The following TRPM3 variants were observed in gnomAD, a reference collection of about 807,000 sequenced individuals.
TRPM3 encodes long transient receptor potential channel 3.
A neutral mutation model predicts 181.2 loss-of-function variants in TRPM3; 77 were observed. That is an observed-to-expected ratio of 0.42 (90% CI 0.35 to 0.51). The LOEUF is 0.51. Ranked by LOEUF, TRPM3 falls within the 20% of genes least tolerant of loss-of-function variation. The pLI, the probability that TRPM3 is intolerant of heterozygous loss-of-function variation, is 0.01. For missense variants in TRPM3, 1,759 were observed against 2,196.7 expected, an observed-to-expected ratio of 0.80 and a Z score of 3.98; for synonymous variants, 745 against 796.4, an observed-to-expected ratio of 0.94 and a Z score of 1.09.
At chr9:71,427,438 C>G (rs1032278535) in intron 1 of TRPM3, among the ~76,000 whole-genome samples, 17 of 152,018 alleles carry the variant, frequency 1.1e-4, no homozygotes, top group African/African-American at 3.6e-4. Flanking sequence ...ATGCTAACAT[C>G]GAGAACCACC....
intron 1 of TRPM3, chr9:70,917,526 C>T (rs1042266054): frequency 6.6e-5 from 44 of 664,516 alleles, no homozygotes; most frequent in East Asian, 3.8e-4. Context: ...GGGGCGGGCA[C>T]GCAGCTTTGT....
chr9:71,179,498 T>C (rs564744962), intron 1 of TRPM3, among the ~76,000 whole-genome samples: 2 of 152,276 alleles, frequency 1.3e-5, no homozygotes, highest in Admixed American at 1.3e-4. Context: ...AAATGCATAC[T>C]ATGTAAAATA....
At chr9:71,365,114 A>T (rs2092292974) in intron 1 of TRPM3, among the ~76,000 whole-genome samples, 1 of 152,174 alleles carries the variant, frequency 6.6e-6, no homozygotes, top group Admixed American at 6.5e-5. Flanking sequence ...CAGCAAAGCC[A>T]ATTTCTCTTT....
intron 1 of TRPM3, among the ~76,000 whole-genome samples, chr9:71,045,541 C>A (rs1330549346): frequency 3.3e-5 from 5 of 152,146 alleles, no homozygotes; most frequent in Non-Finnish European, 7.3e-5. Context: ...TGAATAAATT[C>A]TTCCTGCAGA....
intron 14 of TRPM3, among the ~76,000 whole-genome samples, chr9:70,623,353 G>A (rs1346463891): frequency 2.1e-5 from 3 of 141,224 alleles, no homozygotes; most frequent in Non-Finnish European, 4.5e-5. Context: ...GCAACAGGGT[G>A]AGACTGCGTC....
At chr9:71,368,162 T>A (rs1397378876) in intron 1 of TRPM3, among the ~76,000 whole-genome samples, 1 of 151,974 alleles carries the variant, frequency 6.6e-6, no homozygotes, top group African/African-American at 2.4e-5. Context: ...TTAAAATAAA[T>A]CCTTTCTTTG....
At chr9:70,756,771 A>T (rs988581285) in intron 8 of TRPM3, among the ~76,000 whole-genome samples, 23 of 152,218 alleles carry the variant, frequency 1.5e-4, no homozygotes, top group Non-Finnish European at 2.6e-4. Flanking sequence ...AGAAATAAAC[A>T]AGTTCTTTGA....
At chr9:71,322,382 T>A (rs540909733) in intron 1 of TRPM3, among the ~76,000 whole-genome samples, 7 of 152,290 alleles carry the variant, frequency 4.6e-5, no homozygotes, top group Non-Finnish European at 1.0e-4. Context: ...TTAAAATATT[T>A]CTCATAAGAT....
At chr9:71,056,026 C>T (rs959289508) in intron 1 of TRPM3, among the ~76,000 whole-genome samples, 1 of 151,930 alleles carries the variant, frequency 6.6e-6, no homozygotes, top group Non-Finnish European at 1.5e-5. Context: ...CTAAGACACC[C>T]CTATCAGGTA....
intron 1 of TRPM3, among the ~76,000 whole-genome samples, chr9:70,926,645 T>A (rs1455045369): frequency 6.6e-6 from 1 of 152,210 alleles, no homozygotes; most frequent in Non-Finnish European, 1.5e-5. Context: ...TTATAGAAGT[T>A]AACAAACAGA....
chr9:70,635,103 C>CTGAT, intron 12 of TRPM3, 108 bp downstream of exon 12: 1 of 879,978 alleles, frequency 1.1e-6, no homozygotes, highest in Admixed American at 2.1e-5. Flanking sequence ...TGAGTGGCGC[C>CTGAT]TGATAGGGAC....
intron 1 of TRPM3, among the ~76,000 whole-genome samples, chr9:71,083,863 T>C (rs1253388481): frequency 6.6e-6 from 1 of 151,894 alleles, no homozygotes; most frequent in Non-Finnish European, 1.5e-5. Flanking sequence ...TATATATCTA[T>C]ATATGTATAT....
At chr9:70,823,204 C>A (rs953582981) in intron 6 of TRPM3, among the ~76,000 whole-genome samples, 3 of 152,150 alleles carry the variant, frequency 2.0e-5, no homozygotes, top group African/African-American at 4.8e-5. Context: ...CTGCTGCCAT[C>A]CTTTTTCAAA....
chr9:71,197,340 T>C (rs11142720), intron 1 of TRPM3, among the ~76,000 whole-genome samples: 65,177 of 151,924 alleles, frequency 0.43, 14,369 homozygotes, highest in East Asian at 0.52. Flanking sequence ...TACGTGTGCA[T>C]GTGTCTTTAT....
chr9:70,906,824 A>C (rs984894479), intron 1 of TRPM3, among the ~76,000 whole-genome samples: 5 of 152,030 alleles, frequency 3.3e-5, no homozygotes, highest in Non-Finnish European at 7.4e-5. Context: ...AATTGGTTGA[A>C]CCCGGGAGGC....
At chr9:71,151,716 T>C (rs2075743609) in intron 1 of TRPM3, among the ~76,000 whole-genome samples, 1 of 152,046 alleles carries the variant, frequency 6.6e-6, no homozygotes, top group Non-Finnish European at 1.5e-5. Context: ...TTTCCAGCCA[T>C]AGAAGAATGG....
rs145243695 is a variant in TRPM3 at position 70,856,601 on chromosome 9, C to T, written c.462+6307G>A. ...CAGCCTCCCCCTGCCTGTTATCTCC[C>T]CCGTAAATCCCCACATTCCCTTTCA... is the stretch of plus-strand genomic sequence containing the variant. On this transcript the variant is annotated intron_variant, in intron 3 of 25. Coordinates refer to ENST00000677713, the MANE Select transcript of TRPM3 (RefSeq NM_001366145.2). Among the ~76,000 whole-genome samples the T allele has an allele frequency of 1.9e-3, 283 of 152,174 alleles. 3 individuals are homozygous for T. Among genetic ancestry groups the T allele is most frequent in the African/African-American group, 6.5e-3 (269 of 41,516 alleles).
chr9:71,001,011 A>C (rs1227651571), intron 1 of TRPM3, among the ~76,000 whole-genome samples: 2 of 152,248 alleles, frequency 1.3e-5, no homozygotes, highest in East Asian at 1.9e-4. Context: ...GCAGGATACA[A>C]AATGATAGTT....
At chr9:70,665,867 T>C (rs2061770373) in intron 9 of TRPM3, among the ~76,000 whole-genome samples, 2 of 152,212 alleles carry the variant, frequency 1.3e-5, no homozygotes, top group South Asian at 4.1e-4. Context: ...TCTGTTCCCT[T>C]TTTCTTTTAC....
Sources: gnomAD v4.1 joint callset for allele counts (sites outside exome capture counted in the v4.1 genomes callset) on GRCh38, gnomAD v4.1.1 for gene constraint, MANE v1.5 for transcripts, NCBI Gene and HGNC (gene_info 2026-07-23, HGNC 2026-07-21) for gene names.